SAMD8: variants seen among roughly 807,000 people sequenced by gnomAD.
The protein encoded by SAMD8 is sphingomyelin synthase-related protein 1.
A neutral mutation model predicts 42.0 loss-of-function variants in SAMD8; 20 were observed. The ratio of observed to expected loss-of-function variants is 0.48; its 90% CI spans 0.34 to 0.69. The LOEUF (loss-of-function observed/expected upper bound fraction) is 0.69, where lower values mean the gene tolerates loss of function less well. Ranked by LOEUF, SAMD8 falls within the 30% of genes least tolerant of loss-of-function variation. SAMD8 has a pLI of 0.01. For missense variants in SAMD8, 328 were observed against 511.6 expected (o/e 0.64, Z 3.46); for synonymous variants, 162 against 173.0 (o/e 0.94, Z 0.50).
At chr10:75,116,450 G>GTTATCTTGTCCTATATCATGTA in intron 1 of SAMD8, among the ~76,000 whole-genome samples, 1 of 152,114 alleles carries the variant, frequency 6.6e-6, no homozygotes, top group Non-Finnish European at 1.5e-5. Flanking sequence ...AGGACAAGAG[G>GTTATCTTGTCCTATATCATGTA]TAGTAACATG....
chr10:75,158,651 G>A (rs181578108), intron 2 of SAMD8, among the ~76,000 whole-genome samples: 14 of 152,168 alleles, frequency 9.2e-5, no homozygotes, highest in Admixed American at 5.9e-4. Flanking sequence ...CAAAGTTGTA[G>A]AGCCATCACC....
chr10:75,131,323 T>C (rs1371308197), intron 1 of SAMD8, among the ~76,000 whole-genome samples: 1 of 152,232 alleles, frequency 6.6e-6, no homozygotes, highest in Non-Finnish European at 1.5e-5. Flanking sequence ...ACACATCTTA[T>C]TTCATCTATT....
intron 1 of SAMD8, among the ~76,000 whole-genome samples, chr10:75,131,601 C>G (rs1050651666): frequency 2.0e-5 from 3 of 152,074 alleles, no homozygotes; most frequent in Admixed American, 6.6e-5. Context: ...TCAAATTTAT[C>G]TACAATTTAT....
At chr10:75,111,552 C>T (rs1485214418), upstream of SAMD8, 8 of 1,246,274 alleles carry the variant, frequency 6.4e-6, no homozygotes, top group South Asian at 3.5e-5. Flanking sequence ...CGGGACGATG[C>T]CTGCGCGCAG....
chr10:75,137,190 G>A (rs761708959), intron 1 of SAMD8, among the ~76,000 whole-genome samples: 6 of 152,166 alleles, frequency 3.9e-5, no homozygotes, highest in Non-Finnish European at 5.9e-5. Flanking sequence ...ATGGATGGAT[G>A]AATGTGTAAA....
chr10:75,143,091 A>C (rs1840058397), intron 1 of SAMD8, among the ~76,000 whole-genome samples: 1 of 152,162 alleles, frequency 6.6e-6, no homozygotes, highest in African/African-American at 2.4e-5. Flanking sequence ...GGTGGATCAC[A>C]AGGTCAGGAG....
At chr10:75,147,676 A>G (rs1840174666) in intron 1 of SAMD8, among the ~76,000 whole-genome samples, 1 of 152,144 alleles carries the variant, frequency 6.6e-6, no homozygotes, top group Admixed American at 6.6e-5. Context: ...TATCATAACC[A>G]CTACAGAGAT....
At chr10:75,141,830 C>T (rs142499405) in intron 1 of SAMD8, among the ~76,000 whole-genome samples, 4,757 of 152,086 alleles carry the variant, frequency 0.031, 101 homozygotes, top group Non-Finnish European at 0.043. Context: ...CGTGAGCCAC[C>T]ACGCCTGGCC....
chr10:75,129,736 CAT>C (rs1408104413), intron 1 of SAMD8, among the ~76,000 whole-genome samples: 1 of 152,184 alleles, frequency 6.6e-6, no homozygotes, highest in Non-Finnish European at 1.5e-5. Flanking sequence ...TACATGAATA[CAT>C]ATGATTGGAG....
chr10:75,144,237 G>C (rs1457148350), intron 1 of SAMD8, among the ~76,000 whole-genome samples: 1 of 152,154 alleles, frequency 6.6e-6, no homozygotes, highest in Non-Finnish European at 1.5e-5. Flanking sequence ...AAAGTGCTGG[G>C]ATTACAGGCG....
chr10:75,130,215 T>C (rs1849243365), intron 1 of SAMD8, among the ~76,000 whole-genome samples: 1 of 151,852 alleles, frequency 6.6e-6, no homozygotes. Context: ...AAAACACCTA[T>C]GATCAGCCAG....
intron 1 of SAMD8, among the ~76,000 whole-genome samples, chr10:75,103,620 G>A (rs994469110): frequency 2.0e-5 from 3 of 152,154 alleles, no homozygotes; most frequent in African/African-American, 7.2e-5. Flanking sequence ...ACTACTCCCC[G>A]CTTGCACTCC....
chr10:75,174,684 C>T (rs4745766), intron 4 of SAMD8, among the ~76,000 whole-genome samples: 12,822 of 151,560 alleles, frequency 0.085, 736 homozygotes, highest in African/African-American at 0.16. Flanking sequence ...CCACCCACCT[C>T]GGCCTCTCAA....
intron 1 of SAMD8, among the ~76,000 whole-genome samples, chr10:75,102,171 A>T (rs1472947451): frequency 1.3e-5 from 2 of 152,222 alleles, no homozygotes; most frequent in African/African-American, 4.8e-5. Flanking sequence ...TATTGTGTAC[A>T]TGTATGTTGA....
In SAMD8 at chr10:75,150,545, A is replaced by C; in HGVS notation, c.17A>C (p.Gln6Pro). ...GAGGAGGAAATGGCAGGTCCTAATC[A>C]ACTCTGCATTCGCCGCTGGACTACC... MAGPN[Q>P]LCIRRWTTKH... The change falls in exon 2 of 6, where the codon CAA (glutamine) becomes CCA (proline). Residue 6 changes from glutamine to proline, a missense_variant. Physicochemically the swap from Gln to Pro is moderately conservative, Grantham distance 76. Transcript: ENST00000542569. 6.2e-7 allele frequency: 1 copy of C among 1,613,128 alleles called. No individual in the cohort carries two copies. The highest frequency in any genetic ancestry group is 8.5e-7 in the Non-Finnish European group (1 of 1,179,554).
intron 1 of SAMD8, among the ~76,000 whole-genome samples, chr10:75,116,189 C>G (rs1254180766): frequency 6.6e-6 from 1 of 151,892 alleles, no homozygotes; most frequent in Non-Finnish European, 1.5e-5. Context: ...GCCTTGAACT[C>G]CTGGGCTCAA....
chr10:75,138,800 G>T (rs1839951013), intron 1 of SAMD8, among the ~76,000 whole-genome samples: 4 of 152,090 alleles, frequency 2.6e-5, no homozygotes, highest in Admixed American at 1.3e-4. Context: ...CAAAAGATAA[G>T]ATATTTCATA....
chr10:75,105,905 A>G, intron 1 of SAMD8: 1 of 1,532,444 alleles, frequency 6.5e-7, no homozygotes. Flanking sequence ...CCTGTCCCAC[A>G]CACCGGCCCA....
At chr10:75,113,923 G>A (rs1404941649) in intron 1 of SAMD8, among the ~76,000 whole-genome samples, 1 of 152,176 alleles carries the variant, frequency 6.6e-6, no homozygotes. Flanking sequence ...ACAGCTTAAT[G>A]TTATTGCAAA....
Sources: allele counts gnomAD v4.1 joint callset (sites outside exome capture counted in the v4.1 genomes callset), GRCh38; gene constraint gnomAD v4.1.1; transcripts MANE v1.5; gene names NCBI Gene and HGNC (gene_info 2026-07-23, HGNC 2026-07-21).